MED15: variants seen among roughly 807,000 people sequenced by gnomAD.
MED15 encodes the protein mediator complex subunit 15.
MED15 carries 41 observed loss-of-function variants against 118.7 expected under a neutral mutation model. That is an observed-to-expected ratio of 0.35 (90% confidence interval 0.27 to 0.45). The LOEUF is 0.45. Among genes scored for constraint, MED15 ranks in the 20% least tolerant of loss-of-function variants. The pLI, the probability that MED15 is intolerant of heterozygous loss-of-function variation, is 1.00. For synonymous variants in MED15, 436 were observed against 413.9 expected (o/e 1.05, Z -0.65); for missense variants, 740 against 1,025.5 (o/e 0.72, Z 3.80).
intron 2 of MED15, among the ~76,000 whole-genome samples, chr22:20,548,495 G>T (rs779366915): frequency 2.0e-5 from 3 of 152,130 alleles, no homozygotes; most frequent in Non-Finnish European, 2.9e-5. Context: ...AATAGTAAAA[G>T]ATTTATGTGC....
intron 1 of MED15, among the ~76,000 whole-genome samples, chr22:20,511,747 T>A (rs1318221241): frequency 6.6e-6 from 1 of 152,128 alleles, no homozygotes; most frequent in Non-Finnish European, 1.5e-5. Flanking sequence ...CATTCTGGGC[T>A]GTGGTCTCCT....
chr22:20,568,768 T>C, intron 8 of MED15, 137 bp downstream of exon 8: 1 of 1,412,482 alleles, frequency 7.1e-7, no homozygotes, highest in South Asian at 1.4e-5. Context: ...CTCTCCCCCT[T>C]GCACTCTGCA....
At chr22:20,561,707 G>A (rs1286444135) in intron 5 of MED15, among the ~76,000 whole-genome samples, 4 of 152,110 alleles carry the variant, frequency 2.6e-5, no homozygotes, top group Non-Finnish European at 5.9e-5. Flanking sequence ...ACATGCGGAA[G>A]GATTTAAAAA....
chr22:20,536,998 T>C (rs1310548550), intron 1 of MED15, 119 bp from the exon 2 acceptor site: 1 of 804,132 alleles, frequency 1.2e-6, no homozygotes, highest in Non-Finnish European at 2.0e-6. Context: ...GCCAGGCTGG[T>C]GTGCTGGCGA....
At chr22:20,580,404 A>G (rs2056947088) in intron 9 of MED15, among the ~76,000 whole-genome samples, 1 of 152,158 alleles carries the variant, frequency 6.6e-6, no homozygotes, top group Non-Finnish European at 1.5e-5. Flanking sequence ...GCTTTAGGCC[A>G]CAGAAAAGAG....
chr22:20,533,589 GAGCACCT>G (rs539398347), intron 1 of MED15, among the ~76,000 whole-genome samples: 2 of 152,278 alleles, frequency 1.3e-5, no homozygotes, highest in East Asian at 3.9e-4. Context: ...CTTGCCGGAG[GAGCACCT>G]TGCTCCTTGG....
chr22:20,580,640 C>T (rs948448884), intron 9 of MED15, among the ~76,000 whole-genome samples: 1 of 152,150 alleles, frequency 6.6e-6, no homozygotes, highest in African/African-American at 2.4e-5. Flanking sequence ...TCCCACTCCT[C>T]GGTGCCGTCT....
intron 3 of MED15, chr22:20,552,603 C>T (rs1252781607): frequency 4.7e-6 from 2 of 421,898 alleles, no homozygotes; most frequent in Admixed American, 6.0e-5. Flanking sequence ...AGCAGCCGAG[C>T]AGGAGGCTCA....
At chr22:20,570,746 C>CTTTCTT (rs1569236484) in intron 8 of MED15, among the ~76,000 whole-genome samples, 3 of 62,068 alleles carry the variant, frequency 4.8e-5, no homozygotes, top group African/African-American at 2.2e-4. Context: ...TTCTTTCTTT[C>CTTTCTT]TTTTTTTTTT....
intron 7 of MED15, 45 bp downstream of exon 7, chr22:20,566,862 C>T: frequency 6.3e-7 from 1 of 1,597,214 alleles, no homozygotes; most frequent in Non-Finnish European, 8.6e-7. Context: ...GCCCGTGGCT[C>T]TGTCAGCAGT....
At chr22:20,536,847 C>T (rs933919061) in intron 1 of MED15, among the ~76,000 whole-genome samples, 11 of 152,346 alleles carry the variant, frequency 7.2e-5, no homozygotes, top group Admixed American at 1.3e-4. Context: ...ACCCCTCCCC[C>T]GCCCCGTCCC....
At chr22:20,562,155 C>T (rs923091586) in intron 5 of MED15, among the ~76,000 whole-genome samples, 5 of 151,676 alleles carry the variant, frequency 3.3e-5, no homozygotes, top group African/African-American at 4.8e-5. Flanking sequence ...AGCAAAATCC[C>T]GTCTCAAAAA....
intron 1 of MED15, among the ~76,000 whole-genome samples, chr22:20,529,396 C>T (rs557313675): frequency 1.3e-3 from 195 of 151,642 alleles, no homozygotes; most frequent in Middle Eastern, 3.4e-3. Context: ...TATGGCCGCA[C>T]ACCACCATGC....
intron 5 of MED15, among the ~76,000 whole-genome samples, chr22:20,561,923 C>G (rs1832725897): frequency 6.6e-6 from 1 of 152,144 alleles, no homozygotes; most frequent in Admixed American, 6.5e-5. Flanking sequence ...CCCAGGAGGT[C>G]AAGGCTGCAG....
intron 1 of MED15, among the ~76,000 whole-genome samples, chr22:20,526,135 A>C (rs2054637637): frequency 6.6e-6 from 1 of 151,996 alleles, no homozygotes; most frequent in Non-Finnish European, 1.5e-5. Context: ...TGCCCAGGCC[A>C]ATCTTGAATC....
intron 9 of MED15, 87 bp downstream of exon 9, chr22:20,575,319 G>A (rs964732071): frequency 8.8e-6 from 13 of 1,481,890 alleles, no homozygotes; most frequent in African/African-American, 7.0e-5. Flanking sequence ...CATTATCATC[G>A]CCGGTGACTT....
At chr22:20,541,697 T>C (rs1483449778) in intron 2 of MED15, among the ~76,000 whole-genome samples, 10 of 150,576 alleles carry the variant, frequency 6.6e-5, no homozygotes, top group African/African-American at 2.4e-4. Context: ...GTCGCCAGGC[T>C]AGAGTGCAGT....
At chr22:20,508,042 T>C (rs1267653594) in intron 1 of MED15, 9 of 1,379,906 alleles carry the variant, frequency 6.5e-6, no homozygotes, top group Non-Finnish European at 8.5e-6. Context: ...TTTCCCCCGC[T>C]TTTTGAACCA....
At chr22:20,536,663 G>A (rs1171160089) in intron 1 of MED15, among the ~76,000 whole-genome samples, 1 of 152,114 alleles carries the variant, frequency 6.6e-6, no homozygotes, top group African/African-American at 2.4e-5. Context: ...GACTTCATGT[G>A]GCCCCTTCAT....
Sources: allele counts gnomAD v4.1 joint callset (sites outside exome capture counted in the v4.1 genomes callset), GRCh38; gene constraint gnomAD v4.1.1; transcripts MANE v1.5; gene names NCBI Gene and HGNC (gene_info 2026-07-23, HGNC 2026-07-21).